Variants in PDIA6 observed in about 807,000 individuals in gnomAD.
The protein encoded by PDIA6 is protein disulfide-isomerase A6.
In PDIA6, 29 loss-of-function variants were observed where a neutral mutation model predicts 58.4. The observed-to-expected ratio is 0.50, with a 90% CI of 0.37 to 0.68. PDIA6 has a LOEUF of 0.68. Among genes scored for constraint, PDIA6 ranks in the 30% least tolerant of loss-of-function variants. The pLI is 0.00. For missense variants in PDIA6, 480 were observed against 551.0 expected (o/e 0.87, Z 1.29); for synonymous variants, 192 against 202.6 (o/e 0.95, Z 0.44).
At chr2:10,818,371 T>C (rs1188981955) in intron 2 of PDIA6, among the ~76,000 whole-genome samples, 1 of 151,858 alleles carries the variant, frequency 6.6e-6, no homozygotes, top group African/African-American at 2.4e-5. Flanking sequence ...TTTTACTATT[T>C]TGCCCAGGCT....
intron 12 of PDIA6, 78 bp downstream of exon 12, chr2:10,784,856 C>T: frequency 2.8e-6 from 3 of 1,077,940 alleles, no homozygotes; most frequent in Non-Finnish European, 4.2e-6. Flanking sequence ...AAGGACTTGA[C>T]TCCAGGTGCA....
At chr2:10,835,999 C>T (rs34226029), upstream of PDIA6, among the ~76,000 whole-genome samples, 327 of 151,122 alleles carry the variant, frequency 2.2e-3, 3 homozygotes, top group Non-Finnish European at 3.7e-3. Flanking sequence ...TGTAGTGAGC[C>T]AAGATCGAGC....
chr2:10,799,339 A>T (rs1483945042), intron 2 of PDIA6, among the ~76,000 whole-genome samples: 1 of 152,270 alleles, frequency 6.6e-6, no homozygotes, highest in Non-Finnish European at 1.5e-5. Context: ...GCTAGGTGCC[A>T]GCACCATGAT....
At chr2:10,835,416 G>T (rs1667812029), upstream of PDIA6, among the ~76,000 whole-genome samples, 1 of 152,058 alleles carries the variant, frequency 6.6e-6, no homozygotes, top group Non-Finnish European at 1.5e-5. Context: ...CTTATCCGGG[G>T]CGTATTCCTT....
chr2:10,836,495 G>A (rs1007870694), upstream of PDIA6, among the ~76,000 whole-genome samples: 1 of 151,686 alleles, frequency 6.6e-6, no homozygotes. Flanking sequence ...TTAAAGGCAT[G>A]AGCCACTGTG....
chr2:10,828,982 A>G (rs758155062), intron 1 of PDIA6, among the ~76,000 whole-genome samples: 1 of 152,132 alleles, frequency 6.6e-6, no homozygotes, highest in African/African-American at 2.4e-5. Context: ...TCACGTTAAC[A>G]GTGTTATCCC....
At chr2:10,824,496 G>A (rs1330848809) in intron 1 of PDIA6, among the ~76,000 whole-genome samples, 2 of 152,246 alleles carry the variant, frequency 1.3e-5, no homozygotes, top group African/African-American at 2.4e-5. Context: ...AAGCCAAGTG[G>A]CCAGTGGCAT....
intron 1 of PDIA6, among the ~76,000 whole-genome samples, chr2:10,806,628 C>CGAAAGAAA (rs1553339930): frequency 3.4e-4 from 24 of 70,366 alleles, no homozygotes; most frequent in East Asian, 1.4e-3. Flanking sequence ...AAAATAAAGA[C>CGAAAGAAA]AGAAAGAAAG....
At chr2:10,791,758 C>T in intron 6 of PDIA6, 37 bp downstream of exon 6, 2 of 1,590,202 alleles carry the variant, frequency 1.3e-6, no homozygotes, top group Non-Finnish European at 8.6e-7. Context: ...ACTGAAAACA[C>T]TGTGAATGAA....
chr2:10,788,948 C>G lies in PDIA6; in HGVS notation c.874G>C (p.Glu292Gln). The G allele has an allele frequency of 6.2e-7, 1 of 1,614,138 alleles. No individual in the cohort carries two copies. The highest frequency in any genetic ancestry group is 8.5e-7 in the Non-Finnish European group (1 of 1,179,972). ...GCCACAACACAGAGCTGGTGCTCCT[C>G]ACACGTCCTCTTGGCAATGTCCTCG... ...INEDIAKRTC[E>Q]EHQLCVVAVL... Residue 292 changes from glutamate (E) to glutamine (Q), a missense_variant, in exon 9 of 13, where the codon GAG (glutamate) becomes CAG (glutamine). Coordinates refer to ENST00000272227, the MANE Select transcript of PDIA6 (RefSeq NM_005742.4).
At chr2:10,793,653 C>T (rs945674362) in intron 4 of PDIA6, among the ~76,000 whole-genome samples, 3 of 152,148 alleles carry the variant, frequency 2.0e-5, no homozygotes, top group African/African-American at 4.8e-5. Flanking sequence ...TGTGAGCCAC[C>T]GTGTCCAGCC....
chr2:10,817,637 C>T (rs116157177), upstream of PDIA6, among the ~76,000 whole-genome samples: 7,019 of 152,322 alleles, frequency 0.046, 207 homozygotes, highest in Non-Finnish European at 0.07. Context: ...ATCCCAACTG[C>T]TTAGCCAGGT....
intron 1 of PDIA6, among the ~76,000 whole-genome samples, chr2:10,820,579 C>T (rs1031492919): frequency 1.3e-5 from 2 of 152,140 alleles, no homozygotes; most frequent in Admixed American, 1.3e-4. Context: ...TTATCTGTGT[C>T]TGTAGTTTGA....
intron 1 of PDIA6, among the ~76,000 whole-genome samples, chr2:10,825,056 C>A (rs778243504): frequency 2.1e-4 from 32 of 152,234 alleles, no homozygotes; most frequent in South Asian, 8.3e-4. Flanking sequence ...TGGAAAAAAA[C>A]GTGAAAAGGC....
chr2:10,797,767 G>A lies in PDIA6; in HGVS notation c.162-10C>T, dbSNP rs757556832. 20 of 1,603,866 alleles carry A rather than the reference G, an allele frequency of 1.2e-5. No individual in the cohort carries two copies. The highest frequency in any genetic ancestry group is 2.2e-5 in the South Asian group (2 of 89,232). On this transcript the variant is annotated splice_polypyrimidine_tract_variant and intron_variant, in intron 2 of 12. Coordinates refer to ENST00000272227, the MANE Select transcript of PDIA6 (RefSeq NM_005742.4). The stretch of plus-strand genomic sequence containing the variant: ...TTGACAGTGACCACACCTTTTGGGG[G>A]AAGACAACACAAAGCAACCATTAAA...
chr2:10,825,023 A>G (rs1179293979), intron 1 of PDIA6, among the ~76,000 whole-genome samples: 1 of 152,170 alleles, frequency 6.6e-6, no homozygotes, highest in East Asian at 1.9e-4. Context: ...TCAGCTGCCA[A>G]TACAGCTAGA....
intron 4 of PDIA6, 89 bp downstream of exon 4, chr2:10,796,992 C>T: frequency 2.8e-6 from 3 of 1,090,370 alleles, no homozygotes; most frequent in Non-Finnish European, 4.2e-6. Flanking sequence ...AGGTTGAGAA[C>T]CTTGCAGGTA....
intron 1 of PDIA6, among the ~76,000 whole-genome samples, chr2:10,820,284 T>C (rs13431852): frequency 0.25 from 38,215 of 151,768 alleles, 5,071 homozygotes; most frequent in Non-Finnish European, 0.27. Context: ...GCTGGGGAGG[T>C]GGTGTCTGAT....
At chr2:10,809,485 G>C (rs1342915272) in intron 1 of PDIA6, among the ~76,000 whole-genome samples, 1 of 151,766 alleles carries the variant, frequency 6.6e-6, no homozygotes, top group Non-Finnish European at 1.5e-5. Context: ...AGACCAGCCT[G>C]GGCAACATGG....
Sources: gnomAD v4.1 joint callset for allele counts (sites outside exome capture counted in the v4.1 genomes callset) on GRCh38, gnomAD v4.1.1 for gene constraint, MANE v1.5 for transcripts, NCBI Gene and HGNC (gene_info 2026-07-23, HGNC 2026-07-21) for gene names.